Variants in NUBPL observed in about 807,000 individuals in gnomAD.
The protein encoded by NUBPL is iron-sulfur cluster transfer protein NUBPL.
NUBPL carries 31 observed loss-of-function variants against 45.7 expected under a neutral mutation model. The observed-to-expected ratio is 0.68, with a 90% confidence interval of 0.51 to 0.92. The LOEUF (loss-of-function observed/expected upper bound fraction) is 0.92, where lower values mean the gene tolerates loss of function less well. Ranked by LOEUF, NUBPL falls within the 40% of genes least tolerant of loss-of-function variation. NUBPL has a pLI of 0.00. For missense variants in NUBPL, 401 were observed against 398.7 expected (o/e 1.01, Z -0.05); for synonymous variants, 144 against 140.9 (o/e 1.02, Z -0.15).
Position 31,859,841 on chromosome 14 carries a change from T to C in NUBPL, c.*661T>C, listed in dbSNP as rs1238273975. The C allele has an allele frequency of 1.3e-5, 2 of 154,988 alleles. No individual in the cohort carries two copies. Among genetic ancestry groups the C allele is most frequent in the African/African-American group, 4.8e-5 (2 of 41,456 alleles). The allele number at this position is 154,988 out of a possible 1,614,324, so 9.6% of individuals were successfully genotyped here. The stretch of plus-strand genomic sequence containing the variant: ...TTCCATTTGTGTGAGTGGGTACTAT[T>C]ATCTCCATTTTACAGATAAGTAATT... On this transcript the variant is annotated 3_prime_UTR_variant, in exon 11 of 11. Transcript: ENST00000281081.
chr14:31,857,141 G>T (rs1178514324), intron 10 of NUBPL, among the ~76,000 whole-genome samples: 3 of 152,256 alleles, frequency 2.0e-5, no homozygotes, highest in African/African-American at 7.2e-5. Context: ...CTCAATTCTT[G>T]ATTTCTGTGC....
intron 4 of NUBPL, among the ~76,000 whole-genome samples, chr14:31,626,242 C>G (rs1197772285): frequency 6.6e-6 from 1 of 152,114 alleles, no homozygotes; most frequent in Non-Finnish European, 1.5e-5. Context: ...ACTGCAAACT[C>G]TGCCTCCTGG....
chr14:31,812,452 T>C (rs548950145), intron 7 of NUBPL, among the ~76,000 whole-genome samples: 1 of 152,344 alleles, frequency 6.6e-6, no homozygotes, highest in Admixed American at 6.5e-5. Flanking sequence ...AGGCGCGGGA[T>C]GTAATCTCCT....
At chr14:31,759,512 A>G (rs1315020652) in intron 6 of NUBPL, among the ~76,000 whole-genome samples, 1 of 152,152 alleles carries the variant, frequency 6.6e-6, no homozygotes, top group East Asian at 1.9e-4. Context: ...GAATAGCTAT[A>G]TAAAGCTAAT....
intron 4 of NUBPL, among the ~76,000 whole-genome samples, chr14:31,617,919 G>C (rs982894231): frequency 2.0e-5 from 3 of 152,046 alleles, no homozygotes; most frequent in African/African-American, 4.8e-5. Context: ...ACTTTTTTTT[G>C]TTGGTAGGCT....
chr14:31,654,108 C>G, intron 4 of NUBPL: 2 of 454,474 alleles, frequency 4.4e-6, no homozygotes, highest in Non-Finnish European at 8.8e-6. Context: ...TTCCAGACCA[C>G]CACAATAAAG....
intron 4 of NUBPL, among the ~76,000 whole-genome samples, chr14:31,599,908 T>C (rs2034382415): frequency 6.6e-6 from 1 of 150,468 alleles, no homozygotes; most frequent in African/African-American, 2.4e-5. Flanking sequence ...TATCATATAC[T>C]TTACTAGTTT....
At position 31,561,509 on chromosome 14, in the gene NUBPL, C is replaced by G. The variant is rs1224152942; in HGVS notation, c.70C>G (p.Pro24Ala). The G allele has an allele frequency of 1.4e-6, 2 of 1,388,480 alleles. No homozygotes were observed. Among genetic ancestry groups the G allele is most frequent in the Non-Finnish European group, 1.9e-6 (2 of 1,063,932 alleles). 86.0% of individuals were successfully genotyped at this position (1,388,480 alleles called of 1,614,324 possible). ...CCGGGCTGGTGGCGGGGCCACTGCC[C>G]CGCTTGGGGGAAGCCGAGCGATGGT... ...SLRAGGGATA[P>A]LGGSRAMVCG... is the part of the protein sequence containing the mutation. Residue 24 changes from proline (P) to alanine (A), a missense_variant, in exon 1 of 11, where the codon CCG becomes GCG. Pro to Ala is a conservative substitution (Grantham distance 27, BLOSUM62 -1). Transcript: ENST00000281081.
chr14:31,714,271 A>G (rs1408234759), intron 6 of NUBPL, among the ~76,000 whole-genome samples: 2 of 152,236 alleles, frequency 1.3e-5, no homozygotes, highest in Non-Finnish European at 2.9e-5. Context: ...TGGCAGAACA[A>G]GAAGATAGAA....
At chr14:31,692,490 T>G (rs550205573) in intron 6 of NUBPL, among the ~76,000 whole-genome samples, 1 of 152,316 alleles carries the variant, frequency 6.6e-6, no homozygotes, top group African/African-American at 2.4e-5. Flanking sequence ...GACCAGGGAT[T>G]TTGGCAGCAG....
intron 6 of NUBPL, among the ~76,000 whole-genome samples, chr14:31,748,772 C>T (rs1369549398): frequency 6.6e-6 from 1 of 152,040 alleles, no homozygotes. Context: ...ACCACCACAC[C>T]TGGCTAATTT....
chr14:31,647,335 T>C (rs950119026), intron 4 of NUBPL, among the ~76,000 whole-genome samples: 1 of 151,542 alleles, frequency 6.6e-6, no homozygotes, highest in East Asian at 1.9e-4. Context: ...CTTGCTTTGG[T>C]TTTTATTGGA....
In NUBPL at chr14:31,761,176, A is replaced by AACACT. The variant is rs557160792; in HGVS notation, c.514-26603_514-26599dup. ...TCAAGCTTACAATATTTAAGAAGAT[A>AACACT]ACACTTCTGAATTTTTTTTTGGAGA... is the stretch of plus-strand genomic sequence containing the variant. On this transcript the variant is annotated intron_variant, in intron 6 of 10. Coordinates refer to ENST00000281081, the MANE Select transcript of NUBPL (RefSeq NM_025152.3). Among the ~76,000 whole-genome samples, 314 of 152,146 alleles carry AACACT rather than the reference A, an allele frequency of 2.1e-3. 1 individual carries two copies. Among genetic ancestry groups the AACACT allele is most frequent in the African/African-American group, 7.2e-3 (300 of 41,492 alleles).
intron 4 of NUBPL, among the ~76,000 whole-genome samples, chr14:31,617,404 C>G (rs1056458468): frequency 7.2e-5 from 11 of 152,102 alleles, no homozygotes; most frequent in Non-Finnish European, 1.6e-4. Flanking sequence ...ATGATATTGG[C>G]TGTGGGTTTG....
intron 6 of NUBPL, among the ~76,000 whole-genome samples, chr14:31,699,134 C>T (rs1297294196): frequency 6.6e-6 from 1 of 152,214 alleles, no homozygotes; most frequent in Non-Finnish European, 1.5e-5. Flanking sequence ...GGATTACAGG[C>T]ATGAGCCACT....
At chr14:31,683,352 CTTTTTT>C (rs34890900) in intron 6 of NUBPL, among the ~76,000 whole-genome samples, 1 of 91,024 alleles carries the variant, frequency 1.1e-5, no homozygotes, top group East Asian at 3.3e-4. Flanking sequence ...ATAAAACAAT[CTTTTTT>C]TTTTTTTTTT....
intron 4 of NUBPL, among the ~76,000 whole-genome samples, chr14:31,672,271 ATATG>A (rs747265560): frequency 0.017 from 973 of 57,436 alleles, 9 homozygotes; most frequent in African/African-American, 0.065. Flanking sequence ...GACTGATTAG[ATATG>A]TGTGTGTGTG....
At chr14:31,788,715 G>T (rs978400965) in intron 7 of NUBPL, among the ~76,000 whole-genome samples, 4 of 152,126 alleles carry the variant, frequency 2.6e-5, no homozygotes, top group African/African-American at 9.7e-5. Context: ...ATCTTAAGGG[G>T]TATTTCAGGA....
intron 7 of NUBPL, among the ~76,000 whole-genome samples, chr14:31,819,312 T>G (rs1207710851): frequency 6.6e-6 from 1 of 152,216 alleles, no homozygotes; most frequent in Non-Finnish European, 1.5e-5. Context: ...CACTAAATAT[T>G]AAGAGCAGTG....
Sources: gnomAD v4.1 joint callset for allele counts (sites outside exome capture counted in the v4.1 genomes callset) on GRCh38, gnomAD v4.1.1 for gene constraint, MANE v1.5 for transcripts, NCBI Gene and HGNC (gene_info 2026-07-23, HGNC 2026-07-21) for gene names.